RANBP2: variants seen among roughly 807,000 people sequenced by gnomAD.
RANBP2 encodes the protein E3 SUMO-protein ligase RanBP2.
In RANBP2, 57 loss-of-function variants were observed where a neutral mutation model predicts 303.6. The observed-to-expected ratio is 0.19, with a 90% CI of 0.15 to 0.23. The LOEUF is 0.23. Among genes scored for constraint, RANBP2 ranks in the 10% least tolerant of loss-of-function variants. RANBP2 has a pLI of 1.00. For missense variants in RANBP2, 3,138 were observed against 3,780.8 expected (o/e 0.83, Z 4.46); for synonymous variants, 1,167 against 1,301.5 (o/e 0.90, Z 2.23).
chr2:109,042,306 T>A, the RANBP2 span, among the ~76,000 whole-genome samples: 1 of 152,270 alleles, frequency 6.6e-6, no homozygotes, highest in Non-Finnish European at 1.5e-5. Flanking sequence ...TATCTCTGGC[T>A]GTTTTAAGAT....
the RANBP2 span, among the ~76,000 whole-genome samples, chr2:108,881,450 G>C: frequency 6.6e-6 from 1 of 152,224 alleles, no homozygotes; most frequent in Admixed American, 6.5e-5. Context: ...TAAGGCTGCT[G>C]TGTTTTCTTA....
At chr2:108,973,116 A>G in the RANBP2 span, among the ~76,000 whole-genome samples, 1 of 152,090 alleles carries the variant, frequency 6.6e-6, no homozygotes, top group South Asian at 2.1e-4. Flanking sequence ...CCTCCCCATT[A>G]GCTGGGATTA....
At chr2:108,938,656 T>G in the RANBP2 span, among the ~76,000 whole-genome samples, 15 of 151,388 alleles carry the variant, frequency 9.9e-5, no homozygotes, top group Non-Finnish European at 1.3e-4. Context: ...GGAGAAGTTT[T>G]GAAAAAAAAA....
the RANBP2 span, among the ~76,000 whole-genome samples, chr2:108,851,509 C>T: frequency 3.3e-5 from 5 of 152,098 alleles, no homozygotes; most frequent in Non-Finnish European, 7.4e-5. Context: ...ACCACATTGG[C>T]CAGGCTGGTG....
chr2:109,047,125 A>G, the RANBP2 span, among the ~76,000 whole-genome samples: 58 of 148,146 alleles, frequency 3.9e-4, no homozygotes, highest in Middle Eastern at 3.5e-3. Flanking sequence ...TCTGGCAGCA[A>G]AATCCTTGCT....
At chr2:109,688,786 A>T in the RANBP2 span, among the ~76,000 whole-genome samples, 7 of 149,832 alleles carry the variant, frequency 4.7e-5, no homozygotes. Flanking sequence ...CTCAATAAAA[A>T]AAAAAAAAAA....
At chr2:108,858,957 T>A in the RANBP2 span, among the ~76,000 whole-genome samples, 2 of 152,218 alleles carry the variant, frequency 1.3e-5, no homozygotes, top group African/African-American at 4.8e-5. Context: ...TCTTTGCTAT[T>A]TTGAATACAG....
the RANBP2 span, chr2:108,856,688 T>C: frequency 9.6e-7 from 1 of 1,038,564 alleles, no homozygotes; most frequent in Non-Finnish European, 1.4e-6. Flanking sequence ...AATTTTTGTT[T>C]GTCTTTTGAG....
the RANBP2 span, among the ~76,000 whole-genome samples, chr2:109,669,442 C>G: frequency 6.6e-6 from 1 of 152,086 alleles, no homozygotes; most frequent in Non-Finnish European, 1.5e-5. Flanking sequence ...GATTCATAAC[C>G]AGAATATATA....
At chr2:108,973,963 A>G in the RANBP2 span, among the ~76,000 whole-genome samples, 1,336 of 152,312 alleles carry the variant, frequency 8.8e-3, 20 homozygotes, top group African/African-American at 0.029. Context: ...AAAAGGCTCA[A>G]CAATCCACTT....
the RANBP2 span, among the ~76,000 whole-genome samples, chr2:109,291,069 T>C: frequency 3.3e-5 from 5 of 152,062 alleles, no homozygotes; most frequent in Non-Finnish European, 7.4e-5. Flanking sequence ...CAACAAATAA[T>C]CCCATAGCTT....
chr2:109,613,059 T>C, the RANBP2 span: 2 of 578,388 alleles, frequency 3.5e-6, no homozygotes, highest in African/African-American at 3.8e-5. Context: ...AGAATTTGTT[T>C]TTAAGAATAC....
At chr2:109,106,020 A>ATT in the RANBP2 span, among the ~76,000 whole-genome samples, 7 of 142,984 alleles carry the variant, frequency 4.9e-5, no homozygotes, top group African/African-American at 1.8e-4. Flanking sequence ...TGCCCGGCTA[A>ATT]TTTTTTTTTT....
chr2:108,826,572 G>A, the RANBP2 span, among the ~76,000 whole-genome samples: 1 of 151,968 alleles, frequency 6.6e-6, no homozygotes, highest in Non-Finnish European at 1.5e-5. Context: ...TAAATAAGAG[G>A]GTCCATATCT....
At chr2:109,219,169 G>C in the RANBP2 span, among the ~76,000 whole-genome samples, 1 of 152,196 alleles carries the variant, frequency 6.6e-6, no homozygotes, top group South Asian at 2.1e-4. Flanking sequence ...AGGATAGAGG[G>C]GCTACCGCCT....
At chr2:109,311,577 T>G in the RANBP2 span, among the ~76,000 whole-genome samples, 1 of 152,178 alleles carries the variant, frequency 6.6e-6, no homozygotes, top group African/African-American at 2.4e-5. Flanking sequence ...ACGACATGAT[T>G]GTATATCAAG....
the RANBP2 span, among the ~76,000 whole-genome samples, chr2:109,646,657 ATT>A: frequency 2.3e-3 from 279 of 118,974 alleles, 1 homozygote; most frequent in East Asian, 6.7e-3. Context: ...ATGACTGGCT[ATT>A]TTTTTTTTTT....
At chr2:109,067,443 G>T in the RANBP2 span, among the ~76,000 whole-genome samples, 4 of 152,194 alleles carry the variant, frequency 2.6e-5, no homozygotes, top group Non-Finnish European at 5.9e-5. Flanking sequence ...CTTTCACCAT[G>T]GGGGAGGCAG....
chr2:109,705,319 T>C, the RANBP2 span, among the ~76,000 whole-genome samples: 1 of 151,348 alleles, frequency 6.6e-6, no homozygotes, highest in African/African-American at 2.4e-5. Flanking sequence ...GACAGTAGAA[T>C]TGCTTGAACC....
Sources: gnomAD v4.1 joint callset for allele counts (sites outside exome capture counted in the v4.1 genomes callset) on GRCh38, gnomAD v4.1.1 for gene constraint, MANE v1.5 for transcripts, NCBI Gene and HGNC (gene_info 2026-07-23, HGNC 2026-07-21) for gene names.